Variants in SLC12A8 observed in about 807,000 individuals in gnomAD.
SLC12A8 encodes the protein cation-chloride cotransporter 9.
A neutral mutation model predicts 75.6 loss-of-function variants in SLC12A8; 69 were observed. The observed-to-expected ratio is 0.91, with a 90% CI of 0.75 to 1.11. The LOEUF is 1.11. SLC12A8 is among the 50% of genes most tolerant of loss of function. The pLI, the probability that SLC12A8 is intolerant of heterozygous loss-of-function variation, is 0.00. For missense variants in SLC12A8, 877 were observed against 896.7 expected (o/e 0.98, Z 0.28); for synonymous variants, 365 against 372.8 (o/e 0.98, Z 0.24).
At chr3:125,206,531 G>A (rs1163543745) in intron 2 of SLC12A8, 1 of 152,176 alleles carries the variant, frequency 6.6e-6, no homozygotes, top group African/African-American at 2.4e-5. Flanking sequence ...ATTCACCATT[G>A]CCCCAAAACT....
intron 6 of SLC12A8, among the ~76,000 whole-genome samples, chr3:125,133,878 T>C (rs1052211384): frequency 2.0e-5 from 3 of 152,070 alleles, no homozygotes; most frequent in African/African-American, 7.2e-5. Context: ...AGGCCAGGAA[T>C]ATATTTTTCA....
At chr3:125,155,169 C>T (rs1331332041) in intron 5 of SLC12A8, 2 of 152,080 alleles carry the variant, frequency 1.3e-5, no homozygotes, top group Non-Finnish European at 2.9e-5. Context: ...GAAATGGAAA[C>T]CATGGAAAGT....
intron 6 of SLC12A8, among the ~76,000 whole-genome samples, chr3:125,128,159 C>T (rs1403004512): frequency 1.3e-5 from 2 of 150,084 alleles, no homozygotes; most frequent in African/African-American, 2.4e-5. Context: ...CATGAGCCAC[C>T]GTGCCCGGCC....
chr3:125,120,022 G>T (rs934667432), intron 7 of SLC12A8: 7 of 390,392 alleles, frequency 1.8e-5, no homozygotes, highest in African/African-American at 1.5e-4. Flanking sequence ...CTGGAGGGGA[G>T]GCTCACTGGG....
chr3:125,103,266 G>A (rs756311663), intron 10 of SLC12A8, among the ~76,000 whole-genome samples: 19 of 151,826 alleles, frequency 1.3e-4, no homozygotes, highest in Non-Finnish European at 2.2e-4. Context: ...TGTGTCCCTC[G>A]GGCAAGGGAT....
intron 4 of SLC12A8, among the ~76,000 whole-genome samples, chr3:125,178,583 A>G (rs1004627674): frequency 6.6e-6 from 1 of 152,222 alleles, no homozygotes; most frequent in African/African-American, 2.4e-5. Context: ...TAATAAAGTT[A>G]CATGTTACCT....
In SLC12A8 at chr3:125,120,666, T is replaced by C. The variant is rs1350933764; in HGVS notation, c.757A>G (p.Met253Val). 3 of 1,613,424 alleles carry C rather than the reference T, an allele frequency of 1.9e-6. No individual in the cohort carries two copies. Among genetic ancestry groups the C allele is most frequent in the Admixed American group, 3.3e-5 (2 of 59,974 alleles). ...AATGVMAGFN[M>V]GGDLREPAAS... ...GCAGGCTCCCTGAGGTCGCCCCCCATGTTGAAGCCGGCCATGACTCCTGAA... is the reference window on the plus strand; with the variant it reads ...GCAGGCTCCCTGAGGTCGCCCCCCACGTTGAAGCCGGCCATGACTCCTGAA... The change falls in exon 7 of 14, where the codon ATG becomes GTG. Residue 253 changes from methionine (M) to valine (V), a missense_variant. Transcript: ENST00000469902.
intron 5 of SLC12A8, among the ~76,000 whole-genome samples, chr3:125,141,055 G>C (rs758392627): frequency 6.6e-6 from 1 of 152,058 alleles, no homozygotes; most frequent in Non-Finnish European, 1.5e-5. Context: ...CAGCTGCTGC[G>C]TGTGAATGGA....
intron 10 of SLC12A8, among the ~76,000 whole-genome samples, chr3:125,099,828 T>C: frequency 6.6e-6 from 1 of 152,098 alleles, no homozygotes; most frequent in Admixed American, 6.5e-5. Flanking sequence ...CTCAGGAGGC[T>C]GAGGCAGGAG....
chr3:125,133,816 T>C lies in SLC12A8; in HGVS notation c.736+1853A>G, dbSNP rs376286918. On this transcript the variant is annotated intron_variant, in intron 6 of 13. Transcript: ENST00000469902. ...TCAAACTCCTGAGCTTGAGGGATCC[T>C]CCTGTCTTGGCCTCCCAAAGTGTTA... Among the ~76,000 whole-genome samples, 8 of 152,184 alleles carry C rather than the reference T, an allele frequency of 5.3e-5. 1 individual carries two copies. The highest frequency in any genetic ancestry group is 2.1e-4 in the South Asian group (1 of 4,818).
At chr3:125,099,982 T>C (rs1938825907) in intron 10 of SLC12A8, among the ~76,000 whole-genome samples, 1 of 152,014 alleles carries the variant, frequency 6.6e-6, no homozygotes, top group Non-Finnish European at 1.5e-5. Context: ...ATGAAAACTC[T>C]ACAGTTAGAA....
intron 4 of SLC12A8, among the ~76,000 whole-genome samples, chr3:125,178,813 G>C (rs1200265705): frequency 6.6e-6 from 1 of 151,962 alleles, no homozygotes; most frequent in African/African-American, 2.4e-5. Context: ...CATCTTACTG[G>C]CTCCTCCATT....
At chr3:125,200,875 C>A (rs567338478) in intron 2 of SLC12A8, among the ~76,000 whole-genome samples, 1 of 152,146 alleles carries the variant, frequency 6.6e-6, no homozygotes, top group African/African-American at 2.4e-5. Flanking sequence ...AGGAACGCAA[C>A]TATTTTTGGC....
chr3:125,126,100 T>C lies in SLC12A8; in HGVS notation c.737-5414A>G, dbSNP rs1056128822. 18 of 171,768 alleles carry C rather than the reference T, an allele frequency of 1.0e-4. No homozygotes were observed. The South Asian group carries it at 1.2e-3, about 11-fold the overall frequency. 10.6% of individuals were successfully genotyped at this position (171,768 alleles called of 1,614,324 possible). On this transcript the variant is annotated intron_variant, in intron 6 of 13. Transcript: ENST00000469902. ...GTCTGCACACTGTTACCATGTGACT[T>C]AGGTAAACAGCTTCCTTAATATGGG...
chr3:125,205,877 T>G (rs565687046), intron 2 of SLC12A8, among the ~76,000 whole-genome samples: 3 of 152,200 alleles, frequency 2.0e-5, no homozygotes, highest in Non-Finnish European at 4.4e-5. Context: ...GAGGGGGTCA[T>G]GGCTCTAGGA....
At chr3:125,193,141 G>T (rs1412891003) in intron 2 of SLC12A8, among the ~76,000 whole-genome samples, 1 of 152,182 alleles carries the variant, frequency 6.6e-6, no homozygotes, top group Non-Finnish European at 1.5e-5. Flanking sequence ...GGCTGAGGTG[G>T]GTGGATCACT....
At chr3:125,156,612 A>G (rs1378572754) in intron 5 of SLC12A8, among the ~76,000 whole-genome samples, 1 of 152,208 alleles carries the variant, frequency 6.6e-6, no homozygotes, top group African/African-American at 2.4e-5. Flanking sequence ...AGGTGGGATG[A>G]GAAGGGCGGG....
intron 12 of SLC12A8, among the ~76,000 whole-genome samples, chr3:125,089,688 CTT>C (rs752856308): frequency 2.4e-4 from 9 of 37,272 alleles, no homozygotes; most frequent in Admixed American, 3.0e-4. Flanking sequence ...ACCTTTTTCT[CTT>C]TTTTTTTTTT....
chr3:125,165,314 C>A (rs530374135), intron 5 of SLC12A8, among the ~76,000 whole-genome samples: 1 of 152,352 alleles, frequency 6.6e-6, no homozygotes, highest in South Asian at 2.1e-4. Flanking sequence ...TGGGACGAGC[C>A]TTTCCAGCCA....
Sources: allele counts gnomAD v4.1 joint callset (sites outside exome capture counted in the v4.1 genomes callset), GRCh38; gene constraint gnomAD v4.1.1; transcripts MANE v1.5; gene names NCBI Gene and HGNC (gene_info 2026-07-23, HGNC 2026-07-21).